SNRK: variants seen among roughly 807,000 people sequenced by gnomAD.
SNRK encodes SNF-related serine/threonine-protein kinase.
A neutral mutation model predicts 48.2 loss-of-function variants in SNRK; 3 were observed. The ratio of observed to expected loss-of-function variants is 0.06; its 90% CI spans 0.03 to 0.16. The LOEUF is 0.16. SNRK is among the 10% of genes least tolerant of loss of function. SNRK has a pLI of 1.00. For missense variants in SNRK, 627 were observed against 976.0 expected, an observed-to-expected ratio of 0.64 and a Z score of 4.76; for synonymous variants, 376 against 366.1, an observed-to-expected ratio of 1.03 and a Z score of -0.31.
chr3:43,290,931 C>G lies in SNRK; in HGVS notation c.-169+4256C>G, dbSNP rs77494886. Among the ~76,000 whole-genome samples, 428 of 152,294 alleles carry G rather than the reference C, an allele frequency of 2.8e-3. 4 individuals carry two copies. The highest frequency in any genetic ancestry group is 9.7e-3 in the African/African-American group (404 of 41,542). ...TGGGGGACACAGATTATTAACCACA[C>G]AGTCACACAAATAATTATATGACCT... On this transcript the variant is annotated intron_variant, in intron 1 of 6. Transcript: ENST00000296088.
At chr3:43,311,027 T>C (rs1440831262) in intron 3 of SNRK, among the ~76,000 whole-genome samples, 3 of 152,118 alleles carry the variant, frequency 2.0e-5, no homozygotes, top group Non-Finnish European at 4.4e-5. Flanking sequence ...TCTAGTGATA[T>C]GGGAGAGGAG....
At chr3:43,288,753 A>T (rs925611385) in intron 1 of SNRK, among the ~76,000 whole-genome samples, 1 of 152,206 alleles carries the variant, frequency 6.6e-6, no homozygotes, top group African/African-American at 2.4e-5. Context: ...GAATCTTAGG[A>T]ATTAAAAACC....
intron 3 of SNRK, among the ~76,000 whole-genome samples, chr3:43,309,189 T>C (rs2090960124): frequency 6.6e-6 from 1 of 152,180 alleles, no homozygotes; most frequent in Admixed American, 6.5e-5. Context: ...TTAATTTTTT[T>C]AAATCCATGA....
chr3:43,342,622 G>A (rs2091245669), intron 5 of SNRK, among the ~76,000 whole-genome samples: 1 of 152,176 alleles, frequency 6.6e-6, no homozygotes, highest in Non-Finnish European at 1.5e-5. Context: ...TCCTGGCCTT[G>A]TGGAATCCGC....
At chr3:43,310,006 A>C (rs1368076402) in intron 3 of SNRK, among the ~76,000 whole-genome samples, 2 of 152,146 alleles carry the variant, frequency 1.3e-5, no homozygotes, top group Non-Finnish European at 2.9e-5. Flanking sequence ...GGTATAGTAT[A>C]AACATAACTT....
chr3:43,301,501 C>G (rs945898613), intron 2 of SNRK, among the ~76,000 whole-genome samples: 2 of 152,072 alleles, frequency 1.3e-5, no homozygotes, highest in Admixed American at 1.3e-4. Flanking sequence ...CACGGTGGCT[C>G]CAGCCTGTAA....
At chr3:43,314,489 A>C (rs1465911632) in intron 3 of SNRK, among the ~76,000 whole-genome samples, 1 of 152,134 alleles carries the variant, frequency 6.6e-6, no homozygotes, top group Non-Finnish European at 1.5e-5. Context: ...TGACATATTC[A>C]AGCCAAGAGT....
chr3:43,322,026 G>A (rs886419890), intron 3 of SNRK, among the ~76,000 whole-genome samples: 13 of 152,348 alleles, frequency 8.5e-5, no homozygotes, highest in South Asian at 2.1e-4. Flanking sequence ...TAGTGCTGCC[G>A]CACATTTGTT....
Position 43,303,766 on chromosome 3 carries a change from G to C in SNRK, c.563G>C (p.Gly188Ala). 6.2e-7 allele frequency: 1 copy of C among 1,613,570 alleles called. No homozygotes were observed. Among genetic ancestry groups the C allele is most frequent in the Non-Finnish European group, 8.5e-7 (1 of 1,179,834 alleles). The change falls in exon 3 of 7, where the codon GGT (glycine) becomes GCT (alanine). Residue 188 changes from glycine to alanine, a missense_variant. By Grantham distance (60) the Gly-to-Ala change is moderately conservative. Transcript: ENST00000296088. This position sits in a 1 kb window ranked among gnomAD's most constrained non-coding sequence, Gnocchi z 6.2. ...LAYSAPEILLGDEYDAPAVDI... is the reference protein window; with the variant it reads ...LAYSAPEILLADEYDAPAVDI... ...TATTCCGCTCCAGAAATTCTGCTTG[G>C]TGATGAGTATGATGCACCTGCAGTA... is the stretch of plus-strand genomic sequence containing the variant.
At chr3:43,336,473 A>G (rs1398347287) in intron 4 of SNRK, among the ~76,000 whole-genome samples, 3 of 152,126 alleles carry the variant, frequency 2.0e-5, no homozygotes, top group African/African-American at 7.2e-5. Context: ...CTAGGACTAC[A>G]GGTGTGTGCC....
intron 4 of SNRK, among the ~76,000 whole-genome samples, chr3:43,336,918 A>T (rs918997821): frequency 2.0e-5 from 3 of 151,736 alleles, no homozygotes; most frequent in Non-Finnish European, 4.4e-5. Flanking sequence ...ACGCTTGGCT[A>T]ATTTTTTGTA....
At chr3:43,342,240 G>A (rs562607385) in intron 5 of SNRK, among the ~76,000 whole-genome samples, 19 of 152,276 alleles carry the variant, frequency 1.2e-4, no homozygotes, top group African/African-American at 4.6e-4. Context: ...TTGGTTTCCC[G>A]ATAGCTGGGT....
At chr3:43,325,417 G>A (rs1451719110) in intron 3 of SNRK, among the ~76,000 whole-genome samples, 1 of 151,940 alleles carries the variant, frequency 6.6e-6, no homozygotes, top group East Asian at 1.9e-4. Context: ...CACCCGCCTT[G>A]GCCTCCCAAA....
At chr3:43,289,439 G>A (rs1055060387) in intron 1 of SNRK, among the ~76,000 whole-genome samples, 1 of 152,106 alleles carries the variant, frequency 6.6e-6, no homozygotes, top group Non-Finnish European at 1.5e-5. Context: ...TTGCTTTGGG[G>A]GATGGAGGAG....
At chr3:43,288,678 C>G (rs1306014482) in intron 1 of SNRK, among the ~76,000 whole-genome samples, 1 of 152,166 alleles carries the variant, frequency 6.6e-6, no homozygotes, top group Non-Finnish European at 1.5e-5. Flanking sequence ...AGCAGCTTGT[C>G]TAATCCTAAG....
intron 4 of SNRK, among the ~76,000 whole-genome samples, chr3:43,334,323 C>T (rs978556203): frequency 1.1e-4 from 16 of 151,792 alleles, no homozygotes; most frequent in Admixed American, 3.9e-4. Context: ...TAGCCAGTTA[C>T]GGTGGCTCAC....
At chr3:43,304,528 T>C (rs1315343106) in intron 3 of SNRK, among the ~76,000 whole-genome samples, 1 of 152,236 alleles carries the variant, frequency 6.6e-6, no homozygotes, top group Non-Finnish European at 1.5e-5. Flanking sequence ...AAGTATTTAC[T>C]GCCTTTCAGT....
At chr3:43,346,411 C>T (rs974012343) in intron 6 of SNRK, among the ~76,000 whole-genome samples, 2 of 152,118 alleles carry the variant, frequency 1.3e-5, no homozygotes, top group East Asian at 1.9e-4. Context: ...AGTTCAGAGA[C>T]GTTTATTCAG....
intron 1 of SNRK, among the ~76,000 whole-genome samples, chr3:43,287,779 T>C (rs1447615628): frequency 1.3e-5 from 2 of 152,220 alleles, no homozygotes; most frequent in East Asian, 3.8e-4. Flanking sequence ...CTTTAACTTA[T>C]CAGAATATAT....
Sources: allele counts gnomAD v4.1 joint callset (sites outside exome capture counted in the v4.1 genomes callset), GRCh38; gene constraint gnomAD v4.1.1; non-coding constraint Gnocchi (gnomAD v3.1); transcripts MANE v1.5; gene names NCBI Gene and HGNC (gene_info 2026-07-23, HGNC 2026-07-21).